Variants in OSBPL9 observed in about 807,000 individuals in gnomAD.
OSBPL9 encodes oxysterol binding protein like 9.
OSBPL9 carries 40 observed loss-of-function variants against 106.6 expected under a neutral mutation model. The observed-to-expected ratio is 0.38, with a 90% CI of 0.29 to 0.49. The LOEUF (loss-of-function observed/expected upper bound fraction) is 0.49, where lower values mean the gene tolerates loss of function less well. Ranked by LOEUF, OSBPL9 falls within the 20% of genes least tolerant of loss-of-function variation. The pLI is 0.97. For synonymous variants in OSBPL9, 269 were observed against 295.4 expected, an observed-to-expected ratio of 0.91 and a Z score of 0.92; for missense variants, 609 against 887.2, an observed-to-expected ratio of 0.69 and a Z score of 3.98.
chr1:51,739,651 A>C (rs137909042), intron 4 of OSBPL9, among the ~76,000 whole-genome samples: 1 of 152,204 alleles, frequency 6.6e-6, no homozygotes, highest in African/African-American at 2.4e-5. Flanking sequence ...TCTTCACTCC[A>C]AATGAATTGA....
chr1:51,595,868 A>G (rs1335227401), intron 1 of OSBPL9, among the ~76,000 whole-genome samples: 1 of 152,118 alleles, frequency 6.6e-6, no homozygotes, highest in Non-Finnish European at 1.5e-5. Flanking sequence ...GTAGCTTCCC[A>G]AGGTCACACA....
upstream of OSBPL9, among the ~76,000 whole-genome samples, chr1:51,573,508 C>CAAAAA (rs961323006): frequency 1.0e-3 from 25 of 25,028 alleles, no homozygotes; most frequent in Non-Finnish European, 1.6e-3. Flanking sequence ...AACTCCATCT[C>CAAAAA]AAAAAAAAAA....
chr1:51,665,888 T>C (rs1351409342), intron 2 of OSBPL9, among the ~76,000 whole-genome samples: 1 of 152,068 alleles, frequency 6.6e-6, no homozygotes, highest in South Asian at 2.1e-4. Context: ...AGAGTCTCGC[T>C]CTGTCACCCA....
At chr1:51,548,764 G>A in the OSBPL9 span, among the ~76,000 whole-genome samples, 1 of 152,170 alleles carries the variant, frequency 6.6e-6, no homozygotes, top group Non-Finnish European at 1.5e-5. Flanking sequence ...AAAGGTGAGA[G>A]CAGCAGCTTT....
chr1:51,707,869 C>A, intron 3 of OSBPL9: 2 of 217,484 alleles, frequency 9.2e-6, no homozygotes, highest in South Asian at 1.7e-4. Context: ...ACAACATAGT[C>A]AGCACCAGTG....
intron 2 of OSBPL9, among the ~76,000 whole-genome samples, chr1:51,604,526 C>T (rs114623344): frequency 0.012 from 1,871 of 151,500 alleles, 40 homozygotes; most frequent in African/African-American, 0.044. Flanking sequence ...ATTATACTCC[C>T]GCCTGGGTGA....
chr1:51,566,895 T>C, the OSBPL9 span, among the ~76,000 whole-genome samples: 1 of 152,194 alleles, frequency 6.6e-6, no homozygotes, highest in Non-Finnish European at 1.5e-5. Context: ...CAGAGGAGGA[T>C]CTCAGAGAGC....
chr1:51,592,883 C>T (rs1402688575), intron 1 of OSBPL9, among the ~76,000 whole-genome samples: 3 of 152,166 alleles, frequency 2.0e-5, no homozygotes, highest in Admixed American at 6.5e-5. Context: ...TCCCTGCCTT[C>T]TACTGGGAGG....
chr1:51,604,932 G>A (rs779246878), intron 2 of OSBPL9, among the ~76,000 whole-genome samples: 7 of 152,114 alleles, frequency 4.6e-5, no homozygotes, highest in African/African-American at 1.4e-4. Context: ...GATTACAGGC[G>A]TGAGCCACCG....
intron 17 of OSBPL9, among the ~76,000 whole-genome samples, chr1:51,783,108 T>C (rs1239918060): frequency 6.6e-6 from 1 of 152,216 alleles, no homozygotes; most frequent in Non-Finnish European, 1.5e-5. Context: ...AGATTACTTA[T>C]AATACCTAAT....
chr1:51,745,687 G>T, intron 5 of OSBPL9, 56 bp downstream of exon 5: 1 of 1,415,174 alleles, frequency 7.1e-7, no homozygotes, highest in South Asian at 1.7e-5. Flanking sequence ...TACTGAGCTT[G>T]ATTTTTGAGT....
At chr1:51,632,759 A>C (rs1434007311) in intron 1 of OSBPL9, among the ~76,000 whole-genome samples, 1 of 152,132 alleles carries the variant, frequency 6.6e-6, no homozygotes, top group African/African-American at 2.4e-5. Flanking sequence ...GCAGTGGCAA[A>C]TTATCAAAGA....
intron 1 of OSBPL9, among the ~76,000 whole-genome samples, chr1:51,623,406 A>G (rs1198720193): frequency 1.3e-5 from 2 of 152,216 alleles, no homozygotes; most frequent in African/African-American, 4.8e-5. Context: ...GGACAATGAC[A>G]GTGGGAACTG....
intron 1 of OSBPL9, among the ~76,000 whole-genome samples, chr1:51,624,656 C>CAGAG (rs1396963419): frequency 6.6e-6 from 1 of 152,034 alleles, no homozygotes; most frequent in Non-Finnish European, 1.5e-5. Flanking sequence ...AAGAAACTCT[C>CAGAG]TAAGATAGTG....
chr1:51,605,271 G>A (rs79888161), intron 2 of OSBPL9, among the ~76,000 whole-genome samples: 1 of 152,272 alleles, frequency 6.6e-6, no homozygotes, highest in African/African-American at 2.4e-5. Context: ...AAGGGAACTG[G>A]GATTTCTAAC....
At chr1:51,575,859 T>C (rs56305903), upstream of OSBPL9, among the ~76,000 whole-genome samples, 3,056 of 152,292 alleles carry the variant, frequency 0.02, 52 homozygotes, top group South Asian at 0.035. Context: ...GTAACATTTT[T>C]ATTATCAAAG....
intron 14 of OSBPL9, 149 bp downstream of exon 14, chr1:51,772,872 CAA>C (rs1446341205): frequency 1.5e-6 from 1 of 669,686 alleles, no homozygotes. Flanking sequence ...GATAAGTAAA[CAA>C]AATTTTATAA....
upstream of OSBPL9, among the ~76,000 whole-genome samples, chr1:51,612,754 C>G (rs866016736): frequency 6.6e-6 from 1 of 152,238 alleles, no homozygotes; most frequent in Middle Eastern, 3.2e-3. Flanking sequence ...TTGCCTGTGT[C>G]ATGTCCAAGA....
chr1:51,674,424 G>A (rs1008316661), intron 3 of OSBPL9, among the ~76,000 whole-genome samples: 5 of 152,134 alleles, frequency 3.3e-5, no homozygotes, highest in South Asian at 2.1e-4. Flanking sequence ...GTTAGCCATT[G>A]TGCCTCACTG....
Sources: gnomAD v4.1 joint callset for allele counts (sites outside exome capture counted in the v4.1 genomes callset) on GRCh38, gnomAD v4.1.1 for gene constraint, MANE v1.5 for transcripts, NCBI Gene and HGNC (gene_info 2026-07-23, HGNC 2026-07-21) for gene names.